Variants in CFAP58 observed in about 807,000 individuals in gnomAD.
The protein encoded by CFAP58 is cilia and flagella associated protein 58.
In CFAP58, 88 loss-of-function variants were observed where a neutral mutation model predicts 119.5. That is an observed-to-expected ratio of 0.74 (90% CI 0.62 to 0.88). The LOEUF (loss-of-function observed/expected upper bound fraction) is 0.88, where lower values mean the gene tolerates loss of function less well. CFAP58 is among the 40% of genes least tolerant of loss of function. CFAP58 has a pLI of 0.00. For missense variants in CFAP58, 990 were observed against 1,021.2 expected (o/e 0.97, Z 0.42); for synonymous variants, 365 against 366.3 (o/e 1.00, Z 0.04).
chr10:104,360,528 C>T (rs1410875057), intron 2 of CFAP58, among the ~76,000 whole-genome samples: 3 of 152,004 alleles, frequency 2.0e-5, no homozygotes, highest in East Asian at 3.9e-4. Flanking sequence ...CAGGATGTTA[C>T]ATAGGTAAAC....
intron 15 of CFAP58, among the ~76,000 whole-genome samples, chr10:104,425,666 G>A (rs2012732410): frequency 2.0e-5 from 3 of 152,172 alleles, no homozygotes; most frequent in African/African-American, 4.8e-5. Flanking sequence ...ATAGTATCCC[G>A]TGGCAGAGTC....
chr10:104,374,768 A>G (rs1272501652), intron 7 of CFAP58, among the ~76,000 whole-genome samples: 1 of 151,460 alleles, frequency 6.6e-6, no homozygotes, highest in Admixed American at 6.6e-5. Context: ...TCTATTAAAA[A>G]TCCCCTTTGA....
intron 7 of CFAP58, among the ~76,000 whole-genome samples, chr10:104,376,125 T>C (rs780111254): frequency 5.3e-5 from 8 of 152,182 alleles, no homozygotes; most frequent in Non-Finnish European, 1.0e-4. Flanking sequence ...TTTCAAGGTA[T>C]GGCAAGGAAA....
At chr10:104,452,302 A>G (rs895180960) in intron 17 of CFAP58, among the ~76,000 whole-genome samples, 16 of 152,174 alleles carry the variant, frequency 1.1e-4, no homozygotes, top group South Asian at 2.1e-4. Context: ...TAATCAATTA[A>G]TAAAATTAAT....
intron 15 of CFAP58, among the ~76,000 whole-genome samples, chr10:104,419,463 A>G (rs557842573): frequency 4.3e-4 from 66 of 152,286 alleles, no homozygotes; most frequent in African/African-American, 1.5e-3. Flanking sequence ...TCCCAAACGC[A>G]ATATTCATTG....
rs768838766 is a variant in CFAP58, at chr10:104,370,987, A to T, written c.1023A>T (p.Glu341Asp). ...TTCATAAGAAATTGCACCACACCGA[A>T]GATCAAAAGGCAGAAGTCGAACAGC... Reference protein sequence around the residue: ...EQIHKKLHHTEDQKAEVEQHK... With the variant: ...EQIHKKLHHTDDQKAEVEQHK... Residue 341 changes from glutamate to aspartate, a missense_variant, in exon 7 of 18, where the codon GAA (glutamate) becomes GAT (aspartate). Glu to Asp is a conservative substitution (Grantham distance 45, BLOSUM62 2). Coordinates refer to ENST00000369704, the MANE Select transcript of CFAP58 (RefSeq NM_001008723.2). 1 of 1,613,660 alleles carries T rather than the reference A, an allele frequency of 6.2e-7. No homozygotes were observed. Among genetic ancestry groups the T allele is most frequent in the Non-Finnish European group, 8.5e-7 (1 of 1,179,924 alleles).
intron 17 of CFAP58, among the ~76,000 whole-genome samples, chr10:104,452,644 A>G (rs1376833946): frequency 2.6e-5 from 4 of 152,238 alleles, no homozygotes; most frequent in South Asian, 2.1e-4. Flanking sequence ...CTTGTGGCCA[A>G]TGAGATTTAA....
intron 9 of CFAP58, among the ~76,000 whole-genome samples, chr10:104,381,644 A>G (rs1471770953): frequency 6.6e-6 from 1 of 151,832 alleles, no homozygotes; most frequent in Non-Finnish European, 1.5e-5. Flanking sequence ...GTGAAATGTC[A>G]AAGAAGGTGA....
At chr10:104,405,329 T>C (rs970473572) in intron 14 of CFAP58, among the ~76,000 whole-genome samples, 7 of 152,238 alleles carry the variant, frequency 4.6e-5, no homozygotes, top group Non-Finnish European at 7.3e-5. Flanking sequence ...ACTAACCCAA[T>C]AGTAATATGG....
intron 9 of CFAP58, among the ~76,000 whole-genome samples, chr10:104,389,462 GAACA>G (rs138639931): frequency 0.042 from 6,324 of 152,198 alleles, 341 homozygotes; most frequent in African/African-American, 0.13. Flanking sequence ...GAAAGTGACT[GAACA>G]AACAATTTTT....
chr10:104,365,009 T>G, intron 4 of CFAP58, 120 bp downstream of exon 4: 137 of 849,270 alleles, frequency 1.6e-4, no homozygotes, highest in Non-Finnish European at 2.2e-4. Context: ...AAATGAAACA[T>G]CCTCAGTTCT....
At position 104,364,772 on chromosome 10, in the gene CFAP58, G is replaced by A; in HGVS notation, c.480G>A (p.Lys160=). 1.9e-6 allele frequency: 3 copies of A among 1,612,808 alleles called. No homozygotes were observed. The highest frequency in any genetic ancestry group is 2.7e-5 in the African/African-American group (2 of 74,770). ...TGAGGTTCAAAGAAGAAGTGACAAA[G>A]GAGAGAGACCAGCTCTTATCAGAAG... ...DLLRFKEEVT[K]ERDQLLSEVV... Residue 160 remains lysine (K), a synonymous_variant, in exon 4 of 18, where the codon AAG becomes AAA. Coordinates refer to ENST00000369704, the MANE Select transcript of CFAP58 (RefSeq NM_001008723.2).
chr10:104,357,870 CAT>C lies in CFAP58; in HGVS notation c.10-466_10-465del, dbSNP rs1221673394. Among the ~76,000 whole-genome samples the C allele has an allele frequency of 3.1e-4, 38 of 124,530 alleles. 1 individual carries two copies. Among genetic ancestry groups the C allele is most frequent in the East Asian group, 6.3e-4 (3 of 4,764 alleles). The allele number at this position is 124,530 out of a possible 152,430, so 81.7% of individuals were successfully genotyped here. A position where few individuals can be genotyped will look rare whatever the true frequency, so the allele number is the denominator to read the frequency against. On this transcript the variant is annotated intron_variant, in intron 1 of 17. Transcript: ENST00000369704. ...GTACACATATATACACATATATACA[CAT>C]ATATGTACACATATATAAACATATA...
At chr10:104,357,642 A>C (rs74982174) in intron 1 of CFAP58, among the ~76,000 whole-genome samples, 1,765 of 152,180 alleles carry the variant, frequency 0.012, 45 homozygotes, top group African/African-American at 0.041. Flanking sequence ...TCAGTGATCT[A>C]ATTTAATCTA....
At chr10:104,411,169 A>G (rs1354541454) in intron 15 of CFAP58, among the ~76,000 whole-genome samples, 1 of 152,112 alleles carries the variant, frequency 6.6e-6, no homozygotes, top group African/African-American at 2.4e-5. Context: ...CGAACTCCTG[A>G]CCTCAAGTGA....
chr10:104,433,149 A>C (rs1005876742), intron 15 of CFAP58, among the ~76,000 whole-genome samples: 7 of 152,146 alleles, frequency 4.6e-5, no homozygotes, highest in Admixed American at 2.6e-4. Flanking sequence ...ATTGGAGTGC[A>C]GTGGTAAAAT....
intron 5 of CFAP58, among the ~76,000 whole-genome samples, chr10:104,366,411 C>G (rs986145270): frequency 1.3e-5 from 2 of 152,156 alleles, no homozygotes; most frequent in Non-Finnish European, 2.9e-5. Context: ...CCTTCTCCCC[C>G]TAAAATACCA....
At chr10:104,339,901 G>C in the CFAP58 span, among the ~76,000 whole-genome samples, 2 of 152,128 alleles carry the variant, frequency 1.3e-5, no homozygotes, top group Non-Finnish European at 2.9e-5. Flanking sequence ...CAAAGCAGGT[G>C]GGGGAAATTT....
In CFAP58 at chr10:104,368,595, T is replaced by C. The variant is rs769930550; in HGVS notation, c.930+35T>C. The C allele has an allele frequency of 3.1e-6, 5 of 1,610,572 alleles. No homozygotes were observed. In the Admixed American group the frequency reaches 8.4e-5, roughly 27 times the overall value. On this transcript the variant is annotated intron_variant, in intron 6 of 17. Coordinates refer to ENST00000369704, the MANE Select transcript of CFAP58 (RefSeq NM_001008723.2). ...AAGTTACATGTCTGTTCCCTAGCTC[T>C]TTCTTCCTAACACAGGTTTGCCTTG...
Sources: allele counts gnomAD v4.1 joint callset (sites outside exome capture counted in the v4.1 genomes callset), GRCh38; gene constraint gnomAD v4.1.1; transcripts MANE v1.5; gene names NCBI Gene and HGNC (gene_info 2026-07-23, HGNC 2026-07-21).